The following DOK6 variants were observed in gnomAD, a reference collection of about 807,000 sequenced individuals.
The protein encoded by DOK6 is docking protein 6, also known as downstream of tyrosine kinase 6.
DOK6 carries 22 observed loss-of-function variants against 44.0 expected under a neutral mutation model. That is an observed-to-expected ratio of 0.50 (90% confidence interval 0.36 to 0.71). The LOEUF (loss-of-function observed/expected upper bound fraction) is 0.71, where lower values mean the gene tolerates loss of function less well. Among genes scored for constraint, DOK6 ranks in the 30% least tolerant of loss-of-function variants. DOK6 has a pLI of 0.00. For synonymous variants in DOK6, 166 were observed against 145.5 expected (o/e 1.14, Z -1.01); for missense variants, 340 against 416.4 (o/e 0.82, Z 1.60).
At chr18:69,653,158 T>C (rs1166673723) in intron 3 of DOK6, among the ~76,000 whole-genome samples, 1 of 152,126 alleles carries the variant, frequency 6.6e-6, no homozygotes, top group East Asian at 1.9e-4. Context: ...AAAGCCACCA[T>C]GTTTGGGTGA....
chr18:69,462,713 A>G (rs8089373), intron 1 of DOK6, among the ~76,000 whole-genome samples: 152,266 of 152,306 alleles, frequency 1, 76,113 homozygotes, highest in Middle Eastern at 1. Flanking sequence ...TCCTTCTGCC[A>G]GAAGATTATG....
chr18:69,496,415 A>T (rs1599159086), intron 1 of DOK6, among the ~76,000 whole-genome samples: 1 of 152,222 alleles, frequency 6.6e-6, no homozygotes, highest in Non-Finnish European at 1.5e-5. Context: ...GTGCAGCCCC[A>T]GCGGGGCTTC....
In DOK6 at chr18:69,750,152, G is replaced by A. The variant is rs146491561; in HGVS notation, c.739-7604G>A. On this transcript the variant is annotated intron_variant, in intron 6 of 7. Transcript: ENST00000382713. ...TGCAGATGAAACAAAGATATTAATG[G>A]ATGATGAACAACACTGTTTCTTGAA... Among the ~76,000 whole-genome samples, 926 of 151,058 alleles carry A rather than the reference G, an allele frequency of 6.1e-3. 6 individuals carry two copies. Among genetic ancestry groups the A allele is most frequent in the Non-Finnish European group, 9.3e-3 (630 of 67,796 alleles).
chr18:69,691,078 T>A (rs1377168010), intron 4 of DOK6, among the ~76,000 whole-genome samples: 1 of 151,700 alleles, frequency 6.6e-6, no homozygotes, highest in Non-Finnish European at 1.5e-5. Context: ...CCAGCTACTC[T>A]GGAGTCTGAG....
At chr18:69,685,230 T>C (rs1389025911) in intron 4 of DOK6, among the ~76,000 whole-genome samples, 1 of 152,192 alleles carries the variant, frequency 6.6e-6, no homozygotes, top group Non-Finnish European at 1.5e-5. Context: ...TTATCCATTT[T>C]TTTTTCCTGC....
intron 7 of DOK6, among the ~76,000 whole-genome samples, chr18:69,759,582 G>A (rs1174194994): frequency 2.0e-5 from 3 of 152,084 alleles, no homozygotes; most frequent in African/African-American, 4.8e-5. Context: ...TGAAGGAAAC[G>A]TTTTCTGAAG....
chr18:69,488,805 G>T (rs1980656477), intron 1 of DOK6, among the ~76,000 whole-genome samples: 1 of 152,180 alleles, frequency 6.6e-6, no homozygotes, highest in Admixed American at 6.5e-5. Context: ...AGATCTGGGT[G>T]GGGACACAGC....
chr18:69,694,536 T>C (rs1454317934), intron 4 of DOK6, among the ~76,000 whole-genome samples: 3 of 151,656 alleles, frequency 2.0e-5, no homozygotes, highest in East Asian at 3.8e-4. Context: ...AATAAAATTA[T>C]ATTTTCTCAC....
intron 5 of DOK6, among the ~76,000 whole-genome samples, chr18:69,704,731 G>A (rs536284229): frequency 3.6e-4 from 54 of 152,066 alleles, no homozygotes; most frequent in African/African-American, 1.3e-3. Flanking sequence ...CACTTGCCTC[G>A]GCCTCCCAAA....
chr18:69,831,183 T>C lies in DOK6; in HGVS notation c.857-10061T>C, dbSNP rs1981891304. 2.0e-5 allele frequency: 3 copies of C among 151,920 alleles called. No homozygotes were observed. In the South Asian group the frequency reaches 6.2e-4, roughly 32 times the overall value. The allele number at this position is 151,920 out of a possible 1,614,324, so 9.4% of individuals were successfully genotyped here. A position where few individuals can be genotyped will look rare whatever the true frequency, so the allele number is the denominator to read the frequency against. On this transcript the variant is annotated intron_variant, in intron 7 of 7. Coordinates refer to ENST00000382713, the MANE Select transcript of DOK6 (RefSeq NM_152721.6). ...AAAGCCAATGGTGTAGGTCCCATAG[T>C]CCAAAGGCCTGGAGCTCTGATGTCT... is the stretch of plus-strand genomic sequence containing the variant.
chr18:69,414,230 T>C (rs1978318753), intron 1 of DOK6, among the ~76,000 whole-genome samples: 1 of 152,074 alleles, frequency 6.6e-6, no homozygotes, highest in Non-Finnish European at 1.5e-5. Flanking sequence ...GCAATTGCAC[T>C]CCTGGACATT....
intron 1 of DOK6, among the ~76,000 whole-genome samples, chr18:69,425,883 C>G (rs1568253421): frequency 6.6e-6 from 1 of 152,210 alleles, no homozygotes; most frequent in Non-Finnish European, 1.5e-5. Flanking sequence ...TATTTTAACA[C>G]TAGCATAATA....
chr18:69,413,635 C>CCTT (rs1978315732), intron 1 of DOK6, among the ~76,000 whole-genome samples: 1 of 151,810 alleles, frequency 6.6e-6, no homozygotes, highest in African/African-American at 2.4e-5. Flanking sequence ...AAATATAAAA[C>CCTT]ATAAAGCTAT....
In DOK6 at chr18:69,401,374, G is replaced by A. The variant is rs111462164; in HGVS notation, c.66+64G>A. On this transcript the variant is annotated intron_variant, in intron 1 of 7. Transcript: ENST00000382713. The stretch of plus-strand genomic sequence containing the variant: ...GTTCGGCCCGGCTGGCTGCCTGGGG[G>A]GGGGGCAGGGAGAGGTGACCCGTGC... The A allele has an allele frequency of 1.5e-3, 2,179 of 1,421,768 alleles. 29 individuals carry two copies. In the African/African-American group the frequency reaches 0.024, roughly 16 times the overall value. 88.1% of individuals were successfully genotyped at this position (1,421,768 alleles called of 1,614,324 possible). A position where few individuals can be genotyped will look rare whatever the true frequency, so the allele number is the denominator to read the frequency against.
At chr18:69,608,994 TTTTTCTTAACTA>T (rs1259141655) in intron 3 of DOK6, among the ~76,000 whole-genome samples, 17 of 151,324 alleles carry the variant, frequency 1.1e-4, no homozygotes, top group South Asian at 2.1e-4. Context: ...TATTTAAGAT[TTTTTCTTAACTA>T]TTTTCTTAAC....
chr18:69,846,724 G>A lies in DOK6; in HGVS notation c.*5341G>A, dbSNP rs1982352354. The A allele has an allele frequency of 6.6e-6, 1 of 152,014 alleles. No individual in the cohort carries two copies. The highest frequency in any genetic ancestry group is 1.5e-5 in the Non-Finnish European group (1 of 68,008). The allele number at this position is 152,014 out of a possible 1,614,324, so 9.4% of individuals were successfully genotyped here. A position where few individuals can be genotyped will look rare whatever the true frequency, so the allele number is the denominator to read the frequency against. ...CATAGTAATTGTGATTATAATTTTT[G>A]GAATCTTTATCACTTTCTAGCACTT... On this transcript the variant is annotated 3_prime_UTR_variant, in exon 8 of 8. Coordinates refer to ENST00000382713, the MANE Select transcript of DOK6 (RefSeq NM_152721.6).
At chr18:69,826,658 T>C (rs1981750656) in intron 7 of DOK6, among the ~76,000 whole-genome samples, 1 of 152,188 alleles carries the variant, frequency 6.6e-6, no homozygotes, top group Non-Finnish European at 1.5e-5. Flanking sequence ...GTTACAATAC[T>C]AGTAGAAACA....
At chr18:69,591,971 G>T (rs1983632166) in intron 2 of DOK6, among the ~76,000 whole-genome samples, 1 of 152,102 alleles carries the variant, frequency 6.6e-6, no homozygotes, top group South Asian at 2.1e-4. Context: ...GTATTAAGCT[G>T]TGTTGTATTA....
chr18:69,817,333 C>T (rs1193539655), intron 7 of DOK6, among the ~76,000 whole-genome samples: 1 of 152,026 alleles, frequency 6.6e-6, no homozygotes, highest in African/African-American at 2.4e-5. Flanking sequence ...AAAAATAATC[C>T]TTAAGGTTAT....
Sources: gnomAD v4.1 joint callset for allele counts (sites outside exome capture counted in the v4.1 genomes callset) on GRCh38, gnomAD v4.1.1 for gene constraint, MANE v1.5 for transcripts, NCBI Gene and HGNC (gene_info 2026-07-23, HGNC 2026-07-21) for gene names.